TMEM63C: variants seen among roughly 807,000 people sequenced by gnomAD.
TMEM63C encodes the protein osmosensitive cation channel TMEM63C.
In TMEM63C, 32 loss-of-function variants were observed where a neutral mutation model predicts 99.2. The ratio of observed to expected loss-of-function variants is 0.32; its 90% CI spans 0.24 to 0.43. The LOEUF (loss-of-function observed/expected upper bound fraction) is 0.43, where lower values mean the gene tolerates loss of function less well. Ranked by LOEUF, TMEM63C falls within the 20% of genes least tolerant of loss-of-function variation. TMEM63C has a pLI of 1.00. For synonymous variants in TMEM63C, 376 were observed against 397.9 expected (o/e 0.94, Z 0.66); for missense variants, 826 against 1,053.0 (o/e 0.78, Z 2.98).
intron 1 of TMEM63C, among the ~76,000 whole-genome samples, chr14:77,186,020 T>TG (rs202181191): frequency 0.012 from 1,775 of 149,872 alleles, 24 homozygotes; most frequent in African/African-American, 0.041. Context: ...TTGTTGTTGT[T>TG]TTTTTTTTTG....
intron 23 of TMEM63C, among the ~76,000 whole-genome samples, chr14:77,255,600 G>A (rs921735286): frequency 1.3e-5 from 2 of 152,214 alleles, no homozygotes; most frequent in African/African-American, 4.8e-5. Context: ...AGTTAGATCT[G>A]ATGGCTTGAT....
At chr14:77,193,270 G>A (rs1008086423) in intron 1 of TMEM63C, among the ~76,000 whole-genome samples, 2 of 152,222 alleles carry the variant, frequency 1.3e-5, no homozygotes, top group African/African-American at 2.4e-5. Flanking sequence ...ACTTGTGAGG[G>A]TATGAGTTGC....
At position 77,242,813 on chromosome 14, in the gene TMEM63C, G is replaced by T. The variant is rs1405943123; in HGVS notation, c.1188-90G>T. 4 of 1,496,232 alleles carry T rather than the reference G, an allele frequency of 2.7e-6. No homozygotes were observed. The African/African-American group carries it at 4.1e-5, about 15-fold the overall frequency. The allele number at this position is 1,496,232 out of a possible 1,614,324, so 92.7% of individuals were successfully genotyped here. A position where few individuals can be genotyped will look rare whatever the true frequency, so the allele number is the denominator to read the frequency against. On this transcript the variant is annotated intron_variant, in intron 14 of 23. Transcript: ENST00000298351. ...AGGAGGCTGGATTAGACCAGGGCAGGCTGGGTCCACAGCTGGCCTGCAGCA... is the reference window on the plus strand; with the variant it reads ...AGGAGGCTGGATTAGACCAGGGCAGTCTGGGTCCACAGCTGGCCTGCAGCA...
At chr14:77,232,522 C>T (rs1888962846) in intron 7 of TMEM63C, among the ~76,000 whole-genome samples, 1 of 152,060 alleles carries the variant, frequency 6.6e-6, no homozygotes, top group Non-Finnish European at 1.5e-5. Context: ...TCCTTACCTC[C>T]AGTGATCCGC....
rs377174114 is a variant in TMEM63C at position 77,211,284 on chromosome 14, C to T, written c.-76-2162C>T. The stretch of plus-strand genomic sequence containing the variant: ...GGCCAGCTCTGCCATTCACTAGCAC[C>T]GTGACCTCGGGCCAGTTAACTTCTC... On this transcript the variant is annotated intron_variant, in intron 1 of 23. Transcript: ENST00000298351. Among the ~76,000 whole-genome samples, 403 of 152,316 alleles carry T rather than the reference C, an allele frequency of 2.6e-3. 8 individuals are homozygous for T. Among genetic ancestry groups the T allele is most frequent in the Middle Eastern group, 6.8e-3 (2 of 294 alleles).
rs550629094 is a variant in TMEM63C at position 77,209,981 on chromosome 14, T to C, written c.-76-3465T>C. ...GGGCAGAGATTGCATGGGAGGAGAATATAAGGACCAGCCTCACGAACTGCC... is the reference window on the plus strand; with the variant it reads ...GGGCAGAGATTGCATGGGAGGAGAACATAAGGACCAGCCTCACGAACTGCC... On this transcript the variant is annotated intron_variant, in intron 1 of 23. Coordinates refer to ENST00000298351, the MANE Select transcript of TMEM63C (RefSeq NM_020431.4). 2.0e-5 allele frequency among the ~76,000 whole-genome samples: 3 copies of C among 152,104 alleles called. No individual in the cohort carries two copies. The South Asian group carries it at 6.2e-4, about 32-fold the overall frequency.
intron 14 of TMEM63C, 57 bp from the exon 15 acceptor site, chr14:77,242,846 C>T (rs761208281): frequency 2.2e-5 from 35 of 1,601,682 alleles, no homozygotes; most frequent in Non-Finnish European, 2.6e-5. Context: ...GCAAACAGCA[C>T]GTGGGCTCTA....
At chr14:77,248,715 T>G (rs1889307339) in intron 19 of TMEM63C, 52 bp from the exon 20 acceptor site, 1 of 1,573,848 alleles carries the variant, frequency 6.4e-7, no homozygotes, top group Non-Finnish European at 8.7e-7. Flanking sequence ...ACAGAAGTAG[T>G]CAAGCCAAGG....
chr14:77,249,328 C>T lies in TMEM63C; in HGVS notation c.1908C>T (p.Arg636=), dbSNP rs765940977. The T allele has an allele frequency of 6.2e-7, 1 of 1,613,996 alleles. No individual in the cohort carries two copies. The part of the protein sequence containing the change: ...LYLCMKHLTD[R]YNMYYSFAPT... ...TGTGCATGAAGCACTTGACGGATCG[C>T]TATAACATGTACTACTCCTTTGCAC... Residue 636 remains arginine (R), a synonymous_variant, in exon 21 of 24, where the codon CGC becomes CGT. Coordinates refer to ENST00000298351, the MANE Select transcript of TMEM63C (RefSeq NM_020431.4).
chr14:77,187,061 C>T (rs1319467972), intron 1 of TMEM63C, among the ~76,000 whole-genome samples: 2 of 152,240 alleles, frequency 1.3e-5, no homozygotes, highest in African/African-American at 4.8e-5. Context: ...ATCCTCTCCA[C>T]GCCTTGGGAG....
chr14:77,242,543 T>C lies in TMEM63C; in HGVS notation c.1187+74T>C, dbSNP rs576348144. The stretch of plus-strand genomic sequence containing the variant: ...AAGAAGGCAGCAGGACAGGGCCTTC[T>C]CTCCCCATGTCATTGCCCAACAGAG... On this transcript the variant is annotated intron_variant, in intron 14 of 23. Coordinates refer to ENST00000298351, the MANE Select transcript of TMEM63C (RefSeq NM_020431.4). 10 of 1,559,376 alleles carry C rather than the reference T, an allele frequency of 6.4e-6. No homozygotes were observed. The East Asian group carries it at 2.0e-4, about 32-fold the overall frequency.
intron 21 of TMEM63C, among the ~76,000 whole-genome samples, chr14:77,251,129 C>T (rs1356488435): frequency 6.6e-6 from 1 of 152,220 alleles, no homozygotes; most frequent in East Asian, 1.9e-4. Flanking sequence ...AAAGACTGAA[C>T]ACGTAGGTGC....
At chr14:77,200,801 C>G (rs1325817926) in intron 1 of TMEM63C, among the ~76,000 whole-genome samples, 1 of 152,188 alleles carries the variant, frequency 6.6e-6, no homozygotes, top group Non-Finnish European at 1.5e-5. Context: ...GCCCATGTGT[C>G]CTCAGGCTAG....
chr14:77,236,685 T>G lies in TMEM63C; in HGVS notation c.604T>G (p.Phe202Val). The stretch of plus-strand genomic sequence containing the variant: ...CTTCTACTTCATCACCAACTTCATG[T>G]TCATGGCTCATCACTGCCTGGGGTT... ...SFFYFITNFM[F>V]MAHHCLGFAP... Residue 202 changes from phenylalanine (F) to valine (V), a missense_variant, in exon 9 of 24, where the codon TTC becomes GTC. Phe to Val is a conservative substitution (Grantham distance 50). Transcript: ENST00000298351. The G allele has an allele frequency of 6.2e-7, 1 of 1,612,880 alleles. No homozygotes were observed. Among genetic ancestry groups the G allele is most frequent in the Non-Finnish European group, 8.5e-7 (1 of 1,179,378 alleles).
intron 1 of TMEM63C, among the ~76,000 whole-genome samples, chr14:77,182,249 AC>A (rs1244393462): frequency 6.6e-6 from 1 of 151,362 alleles, no homozygotes; most frequent in Non-Finnish European, 1.5e-5. Context: ...GCTCGGGGCT[AC>A]CCTCTCCCCC....
intron 17 of TMEM63C, 58 bp from the exon 18 acceptor site, chr14:77,246,551 C>A: frequency 6.7e-7 from 1 of 1,482,280 alleles, no homozygotes; most frequent in Non-Finnish European, 9.3e-7. Flanking sequence ...ATGGTTGAAC[C>A]CTCAGCCTTA....
chr14:77,225,366 G>C, intron 5 of TMEM63C, 58 bp from the exon 6 acceptor site: 1 of 1,573,000 alleles, frequency 6.4e-7, no homozygotes, highest in South Asian at 1.2e-5. Context: ...GGTTCCCAGA[G>C]CTGGGCAGGG....
intron 1 of TMEM63C, among the ~76,000 whole-genome samples, chr14:77,207,701 T>C (rs1041809787): frequency 1.8e-4 from 27 of 152,230 alleles, no homozygotes; most frequent in Admixed American, 1.6e-3. Flanking sequence ...ACCTCTCATG[T>C]TGCTTGTGAG....
chr14:77,243,887 TACAC>T (rs1039137887), intron 15 of TMEM63C, among the ~76,000 whole-genome samples: 5 of 151,708 alleles, frequency 3.3e-5, no homozygotes, highest in South Asian at 2.1e-4. Context: ...TGCACACACG[TACAC>T]ACACACACAA....
Sources: allele counts gnomAD v4.1 joint callset (sites outside exome capture counted in the v4.1 genomes callset), GRCh38; gene constraint gnomAD v4.1.1; transcripts MANE v1.5; gene names NCBI Gene and HGNC (gene_info 2026-07-23, HGNC 2026-07-21).